The following NSMAF variants were observed in gnomAD, a reference collection of about 807,000 sequenced individuals.
NSMAF encodes neutral sphingomyelinase activation associated factor, also known as protein FAN.
NSMAF carries 90 observed loss-of-function variants against 134.9 expected under a neutral mutation model. The ratio of observed to expected loss-of-function variants is 0.67; its 90% CI spans 0.56 to 0.79. The LOEUF is 0.79. Among genes scored for constraint, NSMAF ranks in the 30% least tolerant of loss-of-function variants. NSMAF has a pLI of 0.00. For synonymous variants in NSMAF, 358 were observed against 389.6 expected (o/e 0.92, Z 0.96); for missense variants, 1,010 against 1,119.0 (o/e 0.90, Z 1.39).
intron 1 of NSMAF, among the ~76,000 whole-genome samples, chr8:58,646,670 T>A (rs138220588): frequency 8.1e-4 from 124 of 152,318 alleles, no homozygotes; most frequent in African/African-American, 2.8e-3. Context: ...AAAATTATTA[T>A]AATTAAGTTG....
chr8:58,614,563 A>G (rs1301091700), intron 9 of NSMAF, among the ~76,000 whole-genome samples: 2 of 152,154 alleles, frequency 1.3e-5, no homozygotes, highest in African/African-American at 4.8e-5. Context: ...ACCTGTTACA[A>G]TTTGATTATC....
chr8:58,643,650 G>C (rs1807383406), intron 1 of NSMAF, among the ~76,000 whole-genome samples: 2 of 151,748 alleles, frequency 1.3e-5, no homozygotes, highest in Non-Finnish European at 2.9e-5. Context: ...TCCTGCCTCA[G>C]CCTCCCAAGT....
intron 2 of NSMAF, among the ~76,000 whole-genome samples, chr8:58,637,656 T>C (rs1563541395): frequency 6.6e-6 from 1 of 152,136 alleles, no homozygotes; most frequent in African/African-American, 2.4e-5. Flanking sequence ...AACTGAAGAA[T>C]ACAAAATCAA....
At chr8:58,631,628 A>C (rs10504257) in intron 5 of NSMAF, 82 bp from the exon 6 acceptor site, 16,148 of 750,226 alleles carry the variant, frequency 0.022, 585 homozygotes, top group African/African-American at 0.14. Flanking sequence ...GAACATTATC[A>C]ATCAAAAGTT....
At chr8:58,593,113 T>TC (rs996902194) in intron 23 of NSMAF, among the ~76,000 whole-genome samples, 5 of 152,168 alleles carry the variant, frequency 3.3e-5, no homozygotes, top group African/African-American at 1.2e-4. Flanking sequence ...TGCTTAAAGA[T>TC]AAAGCACTTT....
chr8:58,653,261 C>T (rs1032569365), intron 1 of NSMAF, among the ~76,000 whole-genome samples: 1 of 151,582 alleles, frequency 6.6e-6, no homozygotes, highest in African/African-American at 2.4e-5. Context: ...AGCAAGGGGG[C>T]CTTATTTAAT....
chr8:58,608,658 G>A (rs1455409944), intron 10 of NSMAF, among the ~76,000 whole-genome samples: 2 of 152,202 alleles, frequency 1.3e-5, no homozygotes, highest in Admixed American at 6.5e-5. Context: ...CCAAGCAATA[G>A]TAGCAGCCAA....
intron 30 of NSMAF, among the ~76,000 whole-genome samples, chr8:58,585,358 G>C (rs1805858405): frequency 6.7e-6 from 1 of 148,352 alleles, no homozygotes; most frequent in African/African-American, 2.6e-5. Flanking sequence ...AAAAATTTAA[G>C]ATCATGCTAT....
rs1189367884 is a variant in NSMAF, at chr8:58,599,873, G to A, written c.1333-3C>T. 2 of 1,612,542 alleles carry A rather than the reference G, an allele frequency of 1.2e-6. No individual in the cohort carries two copies. Among genetic ancestry groups the A allele is most frequent in the Non-Finnish European group, 1.7e-6 (2 of 1,179,670 alleles). Reference sequence around the variant, plus strand: ...TCACCATAGAATTCTGGAATTAACTGAAAGTTTCGGGGAAAAATAAAAAAG... The same window carrying A: ...TCACCATAGAATTCTGGAATTAACTAAAAGTTTCGGGGAAAAATAAAAAAG... On this transcript the variant is annotated splice_region_variant and splice_polypyrimidine_tract_variant and intron_variant, in intron 17 of 30. Transcript: ENST00000038176.
chr8:58,640,387 C>A (rs1421050524), intron 2 of NSMAF, among the ~76,000 whole-genome samples: 1 of 152,082 alleles, frequency 6.6e-6, no homozygotes, highest in African/African-American at 2.4e-5. Flanking sequence ...GGCTTTATTT[C>A]TTTAATATTA....
intron 1 of NSMAF, chr8:58,659,221 G>A (rs1807797067): frequency 1.4e-6 from 2 of 1,472,516 alleles, no homozygotes; most frequent in Non-Finnish European, 8.9e-7. Flanking sequence ...CCGGGCTCGC[G>A]TGCCGGGATC....
At chr8:58,598,512 G>GA (rs1201875729) in intron 19 of NSMAF, among the ~76,000 whole-genome samples, 10 of 116,202 alleles carry the variant, frequency 8.6e-5, no homozygotes, top group African/African-American at 1.7e-4. Flanking sequence ...AAAAAAAAAA[G>GA]AAAAAAAAAA....
intron 9 of NSMAF, among the ~76,000 whole-genome samples, chr8:58,613,573 T>A (rs1464478690): frequency 3.3e-5 from 5 of 151,146 alleles, no homozygotes; most frequent in African/African-American, 7.3e-5. Flanking sequence ...AAAAAAAAAA[T>A]GAGACACCAA....
intron 16 of NSMAF, 191 bp from the exon 17 acceptor site, chr8:58,600,212 A>G (rs1806247294): frequency 1.7e-6 from 1 of 592,858 alleles, no homozygotes; most frequent in Non-Finnish European, 3.0e-6. Context: ...GAGTTTATGT[A>G]ACTTCTCCAG....
chr8:58,626,583 T>C (rs6471732), intron 6 of NSMAF, among the ~76,000 whole-genome samples: 48,022 of 152,090 alleles, frequency 0.32, 7,931 homozygotes, highest in Non-Finnish European at 0.35. Context: ...ATGGTGTATA[T>C]ATATAGGACT....
chr8:58,598,490 C>CAAAAAAAA (rs71250204), intron 19 of NSMAF, among the ~76,000 whole-genome samples: 92 of 125,978 alleles, frequency 7.3e-4, no homozygotes, highest in African/African-American at 2.8e-3. Flanking sequence ...CTGTCTCAAA[C>CAAAAAAAA]AAAAAAAAAA....
chr8:58,631,185 C>T (rs1807049072), intron 6 of NSMAF, among the ~76,000 whole-genome samples: 1 of 151,780 alleles, frequency 6.6e-6, no homozygotes, highest in African/African-American at 2.4e-5. Flanking sequence ...TAGTAACGTA[C>T]TGGTAAATAA....
In NSMAF at chr8:58,659,645, G is replaced by C. The variant is rs753953836; in HGVS notation, c.-14C>G. On this transcript the variant is annotated 5_prime_UTR_variant, in exon 1 of 31. Transcript: ENST00000038176. Reference sequence around the variant, plus strand: ...GATAAACGCCATGGAGGGTAGGCGCGGGCGGGCGCAGAGCGCACAGGCAGG... The same window carrying C: ...GATAAACGCCATGGAGGGTAGGCGCCGGCGGGCGCAGAGCGCACAGGCAGG... The C allele has an allele frequency of 4.9e-6, 7 of 1,425,680 alleles. No individual in the cohort carries two copies. Among genetic ancestry groups the C allele is most frequent in the Admixed American group, 6.3e-5 (2 of 31,778 alleles). The allele number at this position is 1,425,680 out of a possible 1,614,324, so 88.3% of individuals were successfully genotyped here.
Position 58,635,479 on chromosome 8 carries a change from G to T in NSMAF, c.217C>A (p.Pro73Thr). 1 of 1,602,584 alleles carries T rather than the reference G, an allele frequency of 6.2e-7. No homozygotes were observed. The highest frequency in any genetic ancestry group is 8.5e-7 in the Non-Finnish European group (1 of 1,175,010). The change falls in exon 3 of 31, where the codon CCC becomes ACC. Residue 73 changes from proline to threonine, a missense_variant. Transcript: ENST00000038176. ...TAAAATGTATTTACCTTGATGATGG[G>T]CTGGGATATTGAATCTGGTTCAAAA... ...VIFEPDSISQ[P>T]IIKIPLRDCI...
Sources: gnomAD v4.1 joint callset for allele counts (sites outside exome capture counted in the v4.1 genomes callset) on GRCh38, gnomAD v4.1.1 for gene constraint, MANE v1.5 for transcripts, NCBI Gene and HGNC (gene_info 2026-07-23, HGNC 2026-07-21) for gene names.